Variants in PML observed in about 807,000 individuals in gnomAD.
The protein encoded by PML is PML nuclear body scaffold, also known as protein PML.
A neutral mutation model predicts 65.2 loss-of-function variants in PML; 28 were observed. The observed-to-expected ratio is 0.43, with a 90% CI of 0.32 to 0.59. PML has a LOEUF of 0.59. Ranked by LOEUF, PML falls within the 20% of genes least tolerant of loss-of-function variation. PML has a pLI of 0.08. For synonymous variants in PML, 500 were observed against 508.8 expected (o/e 0.98, Z 0.23); for missense variants, 1,021 against 1,203.4 (o/e 0.85, Z 2.24).
At chr15:74,032,425 G>T in intron 4 of PML, 147 bp from the exon 5 acceptor site, 2 of 810,248 alleles carry the variant, frequency 2.5e-6, no homozygotes, top group Non-Finnish European at 4.2e-6. Context: ...AGGACTTCTT[G>T]TCCCCAGTGA....
At chr15:74,017,424 A>G (rs1595895314) in intron 2 of PML, among the ~76,000 whole-genome samples, 1 of 152,030 alleles carries the variant, frequency 6.6e-6, no homozygotes, top group Non-Finnish European at 1.5e-5. Flanking sequence ...GGGCTGGCGG[A>G]TCACCTGAGG....
At chr15:74,030,546 G>A (rs768154174) in intron 4 of PML, among the ~76,000 whole-genome samples, 1 of 152,192 alleles carries the variant, frequency 6.6e-6, no homozygotes, top group Non-Finnish European at 1.5e-5. Context: ...CTACTTAGGA[G>A]GCTAAGGCAG....
intron 2 of PML, among the ~76,000 whole-genome samples, chr15:73,999,817 T>A (rs1052109576): frequency 6.6e-6 from 1 of 151,890 alleles, no homozygotes; most frequent in Non-Finnish European, 1.5e-5. Context: ...TCTTTTGGAT[T>A]TAAAAAATTT....
At position 73,994,830 on chromosome 15, in the gene PML, C is replaced by T. The variant is rs1204201542; in HGVS notation, c.18C>T (p.Ala6=). The T allele has an allele frequency of 1.9e-6, 3 of 1,557,636 alleles. No individual in the cohort carries two copies. The highest frequency in any genetic ancestry group is 1.4e-5 in the African/African-American group (1 of 73,546). MEPAP[A]RSPRPQQDPA... ...TGGGGTCCATGGAGCCTGCACCCGC[C>T]CGATCTCCGAGGCCCCAGCAGGACC... The change falls in exon 1 of 9, where the codon GCC becomes GCT. Residue 6 remains alanine, a synonymous_variant. Transcript: ENST00000268058.
At chr15:74,017,385 G>A (rs571455649) in intron 2 of PML, among the ~76,000 whole-genome samples, 1 of 152,074 alleles carries the variant, frequency 6.6e-6, no homozygotes, top group Admixed American at 6.5e-5. Flanking sequence ...AGTGGCTCAC[G>A]CCTGTGATCC....
Position 74,043,322 on chromosome 15 carries a change from T to G in PML, c.1861+183T>G. 1 of 1,471,016 alleles carries G rather than the reference T, an allele frequency of 6.8e-7. No homozygotes were observed. The highest frequency in any genetic ancestry group is 8.9e-7 in the Non-Finnish European group (1 of 1,118,462). The allele number at this position is 1,471,016 out of a possible 1,614,324, so 91.1% of individuals were successfully genotyped here. ...CTGGCGTGTCATTTGCTGGCTTGAA[T>G]AAAGATGTCCGCCTTATCCAGTGCC... On this transcript the variant is annotated intron_variant, in intron 8 of 8. Transcript: ENST00000268058. This position sits in a 1 kb window ranked among gnomAD's most constrained non-coding sequence, Gnocchi z 4.3.
chr15:74,006,936 G>A (rs886558900), intron 2 of PML, among the ~76,000 whole-genome samples: 3 of 152,146 alleles, frequency 2.0e-5, no homozygotes, highest in Admixed American at 6.5e-5. Flanking sequence ...TCTTTACCAC[G>A]GGATGGCCCC....
chr15:74,021,903 C>T (rs1223399952), intron 2 of PML, among the ~76,000 whole-genome samples: 2 of 152,226 alleles, frequency 1.3e-5, no homozygotes, highest in African/African-American at 4.8e-5. Context: ...GAGGAATGCT[C>T]TGAGTGAAAG....
At position 74,031,651 on chromosome 15, in the gene PML, G is replaced by A. The variant is rs1037324312; in HGVS notation, c.1255-921G>A. Among the ~76,000 whole-genome samples the A allele has an allele frequency of 5.3e-5, 8 of 152,134 alleles. No individual in the cohort carries two copies. In the East Asian group the frequency reaches 7.7e-4, roughly 15 times the overall value. ...TTCACGTGCAAGCTTTTGTTTAACC[G>A]TCTGTTTTCCCTTCTTTTGGGTGCA... On this transcript the variant is annotated intron_variant, in intron 4 of 8. Transcript: ENST00000268058.
chr15:74,044,169 C>T, intron 8 of PML, 52 bp from the exon 9 acceptor site: 3 of 1,594,020 alleles, frequency 1.9e-6, no homozygotes, highest in South Asian at 2.2e-5. Context: ...TGCTCCCACC[C>T]CAGAGCTCTC....
Position 74,035,577 on chromosome 15 carries a change from G to A in PML, c.1710+1047G>A, listed in dbSNP as rs771449149. ...CATCACAGGGCCCCTCAACCATCCT[G>A]CCAATGCCCAGGAACATCCTGCCCA... On this transcript the variant is annotated intron_variant, in intron 7 of 8. Transcript: ENST00000268058. The surrounding 1 kb of genome is among the most constrained non-coding windows in gnomAD (Gnocchi z 4.1). 1 of 1,611,588 alleles carries A rather than the reference G, an allele frequency of 6.2e-7. No individual in the cohort carries two copies. Among genetic ancestry groups the A allele is most frequent in the Non-Finnish European group, 8.5e-7 (1 of 1,179,832 alleles).
chr15:74,019,328 C>T (rs2070735519), intron 2 of PML, among the ~76,000 whole-genome samples: 1 of 152,356 alleles, frequency 6.6e-6, no homozygotes, highest in Admixed American at 6.5e-5. Flanking sequence ...TCAGACACAG[C>T]CCCTCTCCCC....
chr15:74,044,966 T>G lies in PML; in HGVS notation c.2607T>G (p.Leu869=). The part of the protein sequence containing the change: ...LARAEGVSTP[L]AGRGLAERAS... ...GGGCAGAAGGAGTCTCCACCCCACT[T>G]GCTGGCCGTGGCTTGGCAGAGAGGG... The change falls in exon 9 of 9, where the codon CTT becomes CTG. Residue 869 remains leucine, a synonymous_variant. Coordinates refer to ENST00000268058, the MANE Select transcript of PML (RefSeq NM_033238.3). 1 of 1,610,200 alleles carries G rather than the reference T, an allele frequency of 6.2e-7. No individual in the cohort carries two copies. The highest frequency in any genetic ancestry group is 8.5e-7 in the Non-Finnish European group (1 of 1,178,858).
At chr15:74,030,740 C>T (rs1420356868) in intron 4 of PML, among the ~76,000 whole-genome samples, 1 of 152,052 alleles carries the variant, frequency 6.6e-6, no homozygotes. Context: ...AATCACTTCA[C>T]CTCTCTCTGC....
In PML at chr15:74,022,935, A is replaced by G. The variant is rs2070904950; in HGVS notation, c.710A>G (p.Gln237Arg). 1 of 1,612,120 alleles carries G rather than the reference A, an allele frequency of 6.2e-7. No homozygotes were observed. Among genetic ancestry groups the G allele is most frequent in the Non-Finnish European group, 8.5e-7 (1 of 1,179,300 alleles). ...ATCAGCGCAGAGATCCAGCAGCGAC[A>G]GGAGGAGCTGGACGCCATGACGCAG... ...CDISAEIQQR[Q>R]EELDAMTQAL... Residue 237 changes from glutamine to arginine, a missense_variant, in exon 3 of 9, where the codon CAG (glutamine) becomes CGG (arginine). Transcript: ENST00000268058.
chr15:74,033,443 G>A, intron 6 of PML, 29 bp downstream of exon 6: 2 of 1,610,946 alleles, frequency 1.2e-6, no homozygotes, highest in Non-Finnish European at 1.7e-6. Context: ...CAGTGGCCTG[G>A]GTGCTGCCCG....
chr15:74,045,984 T>G lies in PML; in HGVS notation c.*976T>G. ...GAGAACCGCTGCTCTCATAGACTGC[T>G]CCTCCAAGGGGAAGCAGTGTGGAAC... On this transcript the variant is annotated 3_prime_UTR_variant, in exon 9 of 9. Coordinates refer to ENST00000268058, the MANE Select transcript of PML (RefSeq NM_033238.3). The G allele has an allele frequency of 4.3e-6, 1 of 232,632 alleles. No individual in the cohort carries two copies. The highest frequency in any genetic ancestry group is 8.5e-6 in the Non-Finnish European group (1 of 117,646). The allele number at this position is 232,632 out of a possible 1,614,324, so 14.4% of individuals were successfully genotyped here.
intron 7 of PML, 131 bp downstream of exon 7, chr15:74,034,661 C>G (rs1351408076): frequency 6.3e-7 from 1 of 1,594,044 alleles, no homozygotes; most frequent in East Asian, 2.3e-5. Flanking sequence ...CATTGAGTCC[C>G]AAGCTGTGCT....
Position 74,043,187 on chromosome 15 carries a change from A to C in PML, c.1861+48A>C. The C allele has an allele frequency of 6.2e-7, 1 of 1,614,056 alleles. No individual in the cohort carries two copies. Among genetic ancestry groups the C allele is most frequent in the Non-Finnish European group, 8.5e-7 (1 of 1,180,016 alleles). On this transcript the variant is annotated intron_variant, in intron 8 of 8. Transcript: ENST00000268058. The surrounding 1 kb of genome is among the most constrained non-coding windows in gnomAD (Gnocchi z 4.3). ...CCACCCCTTTCTAATTTAGTCTCTG[A>C]GTCCCAAAAAGAAGTGCAGGCAGAG...
Sources: gnomAD v4.1 joint callset for allele counts (sites outside exome capture counted in the v4.1 genomes callset) on GRCh38, gnomAD v4.1.1 for gene constraint, Gnocchi (gnomAD v3.1) non-coding constraint, MANE v1.5 for transcripts, NCBI Gene and HGNC (gene_info 2026-07-23, HGNC 2026-07-21) for gene names.